PRKG2: variants seen among roughly 807,000 people sequenced by gnomAD.
PRKG2 encodes the protein protein kinase cGMP-dependent 2, also known as cGMP-dependent protein kinase 2.
PRKG2 carries 33 observed loss-of-function variants against 97.2 expected under a neutral mutation model. The ratio of observed to expected loss-of-function variants is 0.34; its 90% confidence interval spans 0.26 to 0.45. The LOEUF (loss-of-function observed/expected upper bound fraction) is 0.45, where lower values mean the gene tolerates loss of function less well. Among genes scored for constraint, PRKG2 ranks in the 20% least tolerant of loss-of-function variants. PRKG2 has a pLI of 1.00. For synonymous variants in PRKG2, 330 were observed against 321.8 expected, an observed-to-expected ratio of 1.03 and a Z score of -0.27; for missense variants, 638 against 900.0, an observed-to-expected ratio of 0.71 and a Z score of 3.73.
chr4:81,174,716 T>C, intron 3 of PRKG2, 77 bp downstream of exon 3: 1 of 1,396,264 alleles, frequency 7.2e-7, no homozygotes, highest in Middle Eastern at 1.9e-4. Flanking sequence ...ACCAGTTTTA[T>C]GTTTTTATAA....
At chr4:81,124,107 C>T (rs184911466) in intron 14 of PRKG2, among the ~76,000 whole-genome samples, 4 of 152,194 alleles carry the variant, frequency 2.6e-5, no homozygotes, top group African/African-American at 9.6e-5. Flanking sequence ...TTAAGCATAT[C>T]CTTTGTATGT....
chr4:81,107,661 C>T (rs1327018395), intron 15 of PRKG2, among the ~76,000 whole-genome samples: 5 of 152,024 alleles, frequency 3.3e-5, no homozygotes, highest in African/African-American at 1.2e-4. Flanking sequence ...TACAGGTGCA[C>T]GCCACCATGC....
chr4:81,205,130 A>C, intron 1 of PRKG2, 70 bp from the exon 2 acceptor site: 23 of 934,566 alleles, frequency 2.5e-5, no homozygotes, highest in Non-Finnish European at 3.5e-5. Flanking sequence ...CATTCCTCTC[A>C]TTCCTATCTT....
At chr4:81,154,461 C>CT (rs1045549595) in intron 6 of PRKG2, among the ~76,000 whole-genome samples, 4 of 146,750 alleles carry the variant, frequency 2.7e-5, no homozygotes, top group Non-Finnish European at 4.4e-5. Flanking sequence ...GGTCCCTGAC[C>CT]CTGACCCCCG....
At chr4:81,112,097 TTAAA>T (rs1245061715) in intron 14 of PRKG2, among the ~76,000 whole-genome samples, 5 of 152,188 alleles carry the variant, frequency 3.3e-5, no homozygotes, top group African/African-American at 1.2e-4. Flanking sequence ...TTAATTTACC[TTAAA>T]TAAACCCCTT....
intron 6 of PRKG2, among the ~76,000 whole-genome samples, chr4:81,163,405 A>G (rs1749731012): frequency 6.6e-6 from 1 of 152,178 alleles, no homozygotes; most frequent in Non-Finnish European, 1.5e-5. Context: ...CCTGCAGAGC[A>G]ATGGTTTTCA....
chr4:81,153,403 C>A (rs1278708451), intron 7 of PRKG2: 10 of 382,578 alleles, frequency 2.6e-5, no homozygotes, highest in Non-Finnish European at 4.7e-5. Context: ...TAAGCTAGGT[C>A]TCTCCCCAAA....
intron 18 of PRKG2, 46 bp from the exon 19 acceptor site, chr4:81,089,849 A>G: frequency 6.8e-6 from 10 of 1,469,938 alleles, no homozygotes; most frequent in Non-Finnish European, 9.5e-6. Context: ...ATGTTGACCA[A>G]GCATGCTATC....
intron 16 of PRKG2, among the ~76,000 whole-genome samples, chr4:81,105,224 C>G (rs570932988): frequency 2.6e-5 from 4 of 152,022 alleles, no homozygotes; most frequent in Non-Finnish European, 4.4e-5. Context: ...TTCAATTGTC[C>G]TCTTTGAACA....
At chr4:81,141,378 A>C (rs1249180113) in intron 11 of PRKG2, among the ~76,000 whole-genome samples, 1 of 152,176 alleles carries the variant, frequency 6.6e-6, no homozygotes, top group Non-Finnish European at 1.5e-5. Flanking sequence ...AATTTAAATT[A>C]AATAAAATTA....
intron 14 of PRKG2, among the ~76,000 whole-genome samples, chr4:81,115,732 C>G (rs2028644): frequency 0.13 from 19,229 of 152,144 alleles, 1,438 homozygotes; most frequent in Middle Eastern, 0.2. Context: ...GCCACAAGGT[C>G]ACAACTAACC....
rs1007804698 is a variant in PRKG2, at chr4:81,173,897, T to C, written c.628+896A>G. Reference sequence around the variant, plus strand: ...ACAACATGTCAACAACATCAACAAATAGAAAGCATTCCTCCATTCATCACT... The same window carrying C: ...ACAACATGTCAACAACATCAACAAACAGAAAGCATTCCTCCATTCATCACT... On this transcript the variant is annotated intron_variant, in intron 3 of 18. Coordinates refer to ENST00000264399, the MANE Select transcript of PRKG2 (RefSeq NM_006259.3). 17 of 151,978 alleles carry C rather than the reference T, an allele frequency of 1.1e-4. 1 individual carries two copies. The highest frequency in any genetic ancestry group is 1.0e-3 in the Admixed American group (16 of 15,256). 9.4% of individuals were successfully genotyped at this position (151,978 alleles called of 1,614,324 possible). A position where few individuals can be genotyped will look rare whatever the true frequency, so the allele number is the denominator to read the frequency against.
chr4:81,165,225 C>T (rs539922535), intron 6 of PRKG2, among the ~76,000 whole-genome samples: 1 of 152,208 alleles, frequency 6.6e-6, no homozygotes, highest in South Asian at 2.1e-4. Context: ...GCCATTGGAA[C>T]ATTGCACAAT....
intron 14 of PRKG2, among the ~76,000 whole-genome samples, chr4:81,122,915 G>A (rs368047669): frequency 9.2e-5 from 14 of 152,288 alleles, no homozygotes; most frequent in African/African-American, 2.9e-4. Flanking sequence ...ACTGCAGTCC[G>A]CTCAGAAGCC....
chr4:81,205,099 T>C, intron 1 of PRKG2, 39 bp from the exon 2 acceptor site: 1 of 1,324,954 alleles, frequency 7.5e-7, no homozygotes, highest in Non-Finnish European at 1.0e-6. Flanking sequence ...AAGTGGAGTT[T>C]CACTTCCCAA....
chr4:81,102,128 G>T (rs1233944914), intron 17 of PRKG2, among the ~76,000 whole-genome samples: 3 of 152,168 alleles, frequency 2.0e-5, no homozygotes, highest in Non-Finnish European at 4.4e-5. Context: ...ATATAGCAAA[G>T]ACAATGTTGC....
chr4:81,119,728 G>A (rs1478606939), intron 14 of PRKG2, among the ~76,000 whole-genome samples: 2 of 151,586 alleles, frequency 1.3e-5, no homozygotes, highest in African/African-American at 2.4e-5. Context: ...AGGCTGGAGT[G>A]CAGTGGTGAG....
At position 81,134,580 on chromosome 4, in the gene PRKG2, T is replaced by G. The variant is rs192836092; in HGVS notation, c.1776+575A>C. On this transcript the variant is annotated intron_variant, in intron 14 of 18. Coordinates refer to ENST00000264399, the MANE Select transcript of PRKG2 (RefSeq NM_006259.3). ...TTATGTGACTAATAGTAATTTTTTC[T>G]TTAGTGTAGCATGCAAAGGAGTCAT... Among the ~76,000 whole-genome samples the G allele has an allele frequency of 2.6e-3, 389 of 152,270 alleles. 2 individuals are homozygous for G. The highest frequency in any genetic ancestry group is 4.1e-3 in the Non-Finnish European group (277 of 68,012).
At chr4:81,126,188 C>A (rs1018054476) in intron 14 of PRKG2, among the ~76,000 whole-genome samples, 2 of 152,176 alleles carry the variant, frequency 1.3e-5, no homozygotes, top group African/African-American at 4.8e-5. Context: ...TCATCCATGT[C>A]CCTGCAAAAG....
Sources: allele counts gnomAD v4.1 joint callset (sites outside exome capture counted in the v4.1 genomes callset), GRCh38; gene constraint gnomAD v4.1.1; transcripts MANE v1.5; gene names NCBI Gene and HGNC (gene_info 2026-07-23, HGNC 2026-07-21).